The following PTPRZ1 variants were observed in gnomAD, a reference collection of about 807,000 sequenced individuals.
PTPRZ1 encodes the protein receptor-type tyrosine-protein phosphatase zeta.
In PTPRZ1, 82 loss-of-function variants were observed where a neutral mutation model predicts 214.1. The observed-to-expected ratio is 0.38, with a 90% CI of 0.32 to 0.46. The LOEUF is 0.46. Ranked by LOEUF, PTPRZ1 falls within the 20% of genes least tolerant of loss-of-function variation. The pLI, the probability that PTPRZ1 is intolerant of heterozygous loss-of-function variation, is 1.00. For synonymous variants in PTPRZ1, 945 were observed against 987.9 expected (o/e 0.96, Z 0.81); for missense variants, 2,603 against 2,748.7 (o/e 0.95, Z 1.19).
At chr7:121,894,317 A>G (rs1024598716) in intron 1 of PTPRZ1, among the ~76,000 whole-genome samples, 1 of 152,202 alleles carries the variant, frequency 6.6e-6, no homozygotes, top group Admixed American at 6.5e-5. Context: ...TATTTGATGA[A>G]TAATATGGTT....
chr7:121,938,527 T>A (rs1262060736), intron 2 of PTPRZ1, among the ~76,000 whole-genome samples: 1 of 152,218 alleles, frequency 6.6e-6, no homozygotes, highest in Non-Finnish European at 1.5e-5. Flanking sequence ...GAAGTTAAGC[T>A]CCTGCCTTCC....
intron 1 of PTPRZ1, among the ~76,000 whole-genome samples, chr7:121,907,144 ATAAGT>A (rs1191919761): frequency 2.0e-5 from 3 of 152,146 alleles, no homozygotes; most frequent in African/African-American, 7.2e-5. Context: ...GATAAAAAGA[ATAAGT>A]TAAATTATGT....
intron 8 of PTPRZ1, among the ~76,000 whole-genome samples, chr7:121,989,429 C>G (rs957028750): frequency 2.1e-5 from 3 of 144,346 alleles, no homozygotes; most frequent in Non-Finnish European, 3.0e-5. Context: ...GGCTGGAGTG[C>G]AATGGCACGA....
At chr7:121,905,650 T>TACACACAC (rs10528167) in intron 1 of PTPRZ1, among the ~76,000 whole-genome samples, 1,824 of 145,348 alleles carry the variant, frequency 0.013, 26 homozygotes, top group African/African-American at 0.03. Context: ...TTCTATTCTT[T>TACACACAC]ACACACACAC....
chr7:121,907,881 T>C (rs1795163608), intron 1 of PTPRZ1, among the ~76,000 whole-genome samples: 1 of 152,040 alleles, frequency 6.6e-6, no homozygotes, highest in South Asian at 2.1e-4. Flanking sequence ...TTTTTTCAAA[T>C]GAAAATAAAA....
chr7:122,044,664 A>G lies in PTPRZ1; in HGVS notation c.6084+96A>G, dbSNP rs1147487. On this transcript the variant is annotated intron_variant, in intron 23 of 29. Transcript: ENST00000393386. Reference sequence around the variant, plus strand: ...GACAGGGTCACGTTGAGTGGGCAGTATGGGTACAATGACTTTGTATTTGAG... The same window carrying G: ...GACAGGGTCACGTTGAGTGGGCAGTGTGGGTACAATGACTTTGTATTTGAG... 587,531 of 1,271,902 alleles carry G rather than the reference A, an allele frequency of 0.46. 136,476 individuals carry two copies. Among genetic ancestry groups the G allele is most frequent in the African/African-American group, 0.58 (39,216 of 67,338 alleles). The allele number at this position is 1,271,902 out of a possible 1,614,324, so 78.8% of individuals were successfully genotyped here. A position where few individuals can be genotyped will look rare whatever the true frequency, so the allele number is the denominator to read the frequency against.
intron 27 of PTPRZ1, among the ~76,000 whole-genome samples, chr7:122,057,953 T>C (rs1792415836): frequency 1.2e-5 from 1 of 82,496 alleles, no homozygotes; most frequent in Non-Finnish European, 2.2e-5. Context: ...ATATAGTGTG[T>C]GTGTGTGTGT....
intron 22 of PTPRZ1, among the ~76,000 whole-genome samples, chr7:122,043,749 C>G (rs1201462435): frequency 1.4e-4 from 22 of 152,064 alleles, no homozygotes; most frequent in Admixed American, 1.0e-3. Context: ...ACACTGGGGC[C>G]TTTCAGAGGG....
chr7:121,887,390 C>T (rs1194935296), intron 1 of PTPRZ1, among the ~76,000 whole-genome samples: 1 of 152,086 alleles, frequency 6.6e-6, no homozygotes, highest in African/African-American at 2.4e-5. Flanking sequence ...GTAAGCAACT[C>T]GAGATCACAT....
intron 2 of PTPRZ1, among the ~76,000 whole-genome samples, chr7:121,963,883 T>C (rs1796957057): frequency 6.6e-6 from 1 of 152,062 alleles, no homozygotes; most frequent in Admixed American, 6.6e-5. Context: ...GTGTAATCAT[T>C]CCATGCACTT....
Position 121,930,597 on chromosome 7 carries a change from A to G in PTPRZ1, c.124+2376A>G, listed in dbSNP as rs1361631123. Among the ~76,000 whole-genome samples, 8 of 152,270 alleles carry G rather than the reference A, an allele frequency of 5.3e-5. No individual in the cohort carries two copies. In the East Asian group the frequency reaches 1.5e-3, roughly 29 times the overall value. On this transcript the variant is annotated intron_variant, in intron 2 of 29. Transcript: ENST00000393386. ...ACATTTTCACTAACACTGACTCTAA[A>G]AATCTAGTCAATTTGATTAGTCAAA...
chr7:122,012,432 A>G lies in PTPRZ1; in HGVS notation c.3386A>G (p.His1129Arg), dbSNP rs76020339. ...AATAACTTTTCAGTTCAACCTACACATACTGTCTCTCAAGCATCTGGTGAC... is the reference window on the plus strand; with the variant it reads ...AATAACTTTTCAGTTCAACCTACACGTACTGTCTCTCAAGCATCTGGTGAC... ...PENNFSVQPT[H>R]TVSQASGDTS... The change falls in exon 12 of 30, where the codon CAT becomes CGT. Residue 1129 changes from histidine (H) to arginine (R), a missense_variant. Transcript: ENST00000393386. 1 of 1,613,796 alleles carries G rather than the reference A, an allele frequency of 6.2e-7. No homozygotes were observed. Among genetic ancestry groups the G allele is most frequent in the Non-Finnish European group, 8.5e-7 (1 of 1,179,802 alleles).
chr7:122,028,893 T>C (rs1339454717), intron 14 of PTPRZ1, among the ~76,000 whole-genome samples: 3 of 152,074 alleles, frequency 2.0e-5, no homozygotes, highest in Non-Finnish European at 4.4e-5. Context: ...TCAGGTGTAT[T>C]ATGTTAAAAA....
intron 8 of PTPRZ1, among the ~76,000 whole-genome samples, chr7:121,985,001 T>C (rs147010801): frequency 1.3e-5 from 2 of 152,308 alleles, no homozygotes; most frequent in African/African-American, 2.4e-5. Context: ...TCAATGATTT[T>C]TTTTTGCCAT....
intron 23 of PTPRZ1, among the ~76,000 whole-genome samples, chr7:122,050,993 G>A (rs543374334): frequency 1.3e-5 from 2 of 152,068 alleles, no homozygotes; most frequent in Non-Finnish European, 2.9e-5. Context: ...CTGAGGAGTA[G>A]ATAAACAGAA....
At chr7:122,050,624 A>G (rs1237513429) in intron 23 of PTPRZ1, among the ~76,000 whole-genome samples, 1 of 152,148 alleles carries the variant, frequency 6.6e-6, no homozygotes, top group East Asian at 1.9e-4. Context: ...AAAGAAACTG[A>G]AGATGTTTCC....
At chr7:121,923,165 G>A (rs1184891123) in intron 1 of PTPRZ1, among the ~76,000 whole-genome samples, 6 of 152,078 alleles carry the variant, frequency 3.9e-5, no homozygotes, top group Non-Finnish European at 7.4e-5. Flanking sequence ...TCTTCTACCT[G>A]GAACATTCAG....
At chr7:121,874,860 A>G (rs537752039) in intron 1 of PTPRZ1, among the ~76,000 whole-genome samples, 4 of 152,326 alleles carry the variant, frequency 2.6e-5, no homozygotes, top group Non-Finnish European at 5.9e-5. Flanking sequence ...TTTAAAAAGT[A>G]CGTGGTCATC....
chr7:121,912,645 C>A (rs941141876), intron 1 of PTPRZ1, among the ~76,000 whole-genome samples: 2 of 152,170 alleles, frequency 1.3e-5, no homozygotes, highest in African/African-American at 4.8e-5. Flanking sequence ...CTTAAAAGAA[C>A]AGTTCAGTGA....
Sources: gnomAD v4.1 joint callset for allele counts (sites outside exome capture counted in the v4.1 genomes callset) on GRCh38, gnomAD v4.1.1 for gene constraint, MANE v1.5 for transcripts, NCBI Gene and HGNC (gene_info 2026-07-23, HGNC 2026-07-21) for gene names.